RBFOX1: variants seen among roughly 807,000 people sequenced by gnomAD.
The protein encoded by RBFOX1 is RNA binding fox-1 homolog 1.
In RBFOX1, 8 loss-of-function variants were observed where a neutral mutation model predicts 57.7. The observed-to-expected ratio is 0.14, with a 90% confidence interval of 0.08 to 0.25. The LOEUF is 0.25. RBFOX1 is among the 10% of genes least tolerant of loss of function. RBFOX1 has a pLI of 1.00. For synonymous variants in RBFOX1, 326 were observed against 222.4 expected, an observed-to-expected ratio of 1.47 and a Z score of -4.15; for missense variants, 611 against 548.5, an observed-to-expected ratio of 1.11 and a Z score of -1.14.
At chr16:5,427,217 G>A (rs1194062636) in intron 1 of RBFOX1, among the ~76,000 whole-genome samples, 1 of 152,214 alleles carries the variant, frequency 6.6e-6, no homozygotes, top group East Asian at 1.9e-4. Flanking sequence ...ACCATCAGAT[G>A]TGTACCTGTG....
chr16:6,690,910 A>G (rs539372461), intron 3 of RBFOX1, among the ~76,000 whole-genome samples: 198 of 151,912 alleles, frequency 1.3e-3, no homozygotes, highest in Non-Finnish European at 2.2e-3. Flanking sequence ...TTGGGTTTTC[A>G]TTTTCACCTC....
intron 2 of RBFOX1, among the ~76,000 whole-genome samples, chr16:6,642,313 C>G (rs1343004636): frequency 6.6e-6 from 1 of 152,174 alleles, no homozygotes; most frequent in Admixed American, 6.5e-5. Flanking sequence ...CGATTTACAT[C>G]TAATGTGGGT....
intron 3 of RBFOX1, among the ~76,000 whole-genome samples, chr16:6,983,895 A>G (rs1320452821): frequency 6.6e-6 from 1 of 151,882 alleles, no homozygotes; most frequent in Non-Finnish European, 1.5e-5. Context: ...GTGTTGTGTG[A>G]CTCTTAGCAT....
intron 3 of RBFOX1, among the ~76,000 whole-genome samples, chr16:6,944,937 G>T (rs1475116739): frequency 6.6e-6 from 1 of 152,170 alleles, no homozygotes; most frequent in Non-Finnish European, 1.5e-5. Flanking sequence ...GATGAAGACA[G>T]TCTGAAAAGT....
intron 3 of RBFOX1, among the ~76,000 whole-genome samples, chr16:5,626,910 T>G (rs577370230): frequency 1.2e-3 from 185 of 152,340 alleles, no homozygotes; most frequent in African/African-American, 4.3e-3. Flanking sequence ...GTTCTCCCCT[T>G]AACAACTGAA....
intron 3 of RBFOX1, among the ~76,000 whole-genome samples, chr16:5,834,811 TAGATAGATAGAC>T (rs1359503034): frequency 3.4e-4 from 50 of 146,470 alleles, no homozygotes; most frequent in African/African-American, 1.0e-3. Flanking sequence ...GATAGATAGA[TAGATAGATAGAC>T]AGACAGACAG....
chr16:6,894,171 G>A (rs1452786776), intron 3 of RBFOX1, among the ~76,000 whole-genome samples: 1 of 152,154 alleles, frequency 6.6e-6, no homozygotes, highest in Non-Finnish European at 1.5e-5. Flanking sequence ...TCTCTTGTCT[G>A]TCTGTCTGTC....
rs74012590 is a variant in RBFOX1 at position 7,460,007 on chromosome 16, C to T, written c.28-58140C>T. Among the ~76,000 whole-genome samples, 421 of 152,114 alleles carry T rather than the reference C, an allele frequency of 2.8e-3. 1 individual carries two copies. Among genetic ancestry groups the T allele is most frequent in the African/African-American group, 9.5e-3 (394 of 41,502 alleles). On this transcript the variant is annotated intron_variant, in intron 4 of 15. Coordinates refer to ENST00000550418, the MANE Select transcript of RBFOX1 (RefSeq NM_018723.4). ...ATAAAATTAGTTTAAACAAGAGAAACAGGTATGATTTCACAAGAATGTTAG... is the reference window on the plus strand; with the variant it reads ...ATAAAATTAGTTTAAACAAGAGAAATAGGTATGATTTCACAAGAATGTTAG...
intron 2 of RBFOX1, among the ~76,000 whole-genome samples, chr16:6,525,057 C>G (rs867749168): frequency 6.6e-6 from 1 of 152,162 alleles, no homozygotes; most frequent in African/African-American, 2.4e-5. Flanking sequence ...GGCTGGGTTA[C>G]TGTTTGTACA....
chr16:6,801,894 C>T (rs773184548), intron 3 of RBFOX1, among the ~76,000 whole-genome samples: 2 of 152,138 alleles, frequency 1.3e-5, no homozygotes, highest in Non-Finnish European at 1.5e-5. Context: ...GTCATCTGTA[C>T]CTAAGATCTG....
intron 2 of RBFOX1, among the ~76,000 whole-genome samples, chr16:6,322,284 T>C (rs2081899149): frequency 6.6e-6 from 1 of 152,212 alleles, no homozygotes; most frequent in Admixed American, 6.5e-5. Flanking sequence ...GAATATCGTC[T>C]AGTTGGTTGT....
At chr16:5,855,829 A>G (rs1208036048) in intron 3 of RBFOX1, among the ~76,000 whole-genome samples, 3 of 151,924 alleles carry the variant, frequency 2.0e-5, no homozygotes, top group East Asian at 1.9e-4. Flanking sequence ...TATTTTAACA[A>G]TATTTATTAA....
chr16:5,463,301 G>C (rs2151600353), intron 1 of RBFOX1, among the ~76,000 whole-genome samples: 1 of 152,126 alleles, frequency 6.6e-6, no homozygotes, highest in Non-Finnish European at 1.5e-5. Context: ...ATGGATTTTT[G>C]CAGGGCAGCT....
At chr16:7,318,641 G>C (rs184501959) in intron 4 of RBFOX1, among the ~76,000 whole-genome samples, 1 of 152,164 alleles carries the variant, frequency 6.6e-6, no homozygotes, top group South Asian at 2.1e-4. Context: ...CATAGAGAAC[G>C]TTTGTTAAAT....
chr16:7,209,567 G>C (rs1179144004), intron 4 of RBFOX1, among the ~76,000 whole-genome samples: 1 of 152,122 alleles, frequency 6.6e-6, no homozygotes, highest in African/African-American at 2.4e-5. Flanking sequence ...CCTCCTCAAA[G>C]AGGCCAACCC....
chr16:7,336,417 C>T (rs2096788910), intron 4 of RBFOX1, among the ~76,000 whole-genome samples: 1 of 152,186 alleles, frequency 6.6e-6, no homozygotes, highest in African/African-American at 2.4e-5. Flanking sequence ...TCATCCAGGT[C>T]TGACAGATGA....
chr16:7,049,420 G>A (rs1030492764), intron 3 of RBFOX1, among the ~76,000 whole-genome samples: 1 of 152,008 alleles, frequency 6.6e-6, no homozygotes, highest in African/African-American at 2.4e-5. Context: ...CCTGGAGACT[G>A]CAGCATAAGA....
chr16:6,944,250 C>A (rs750275472), intron 3 of RBFOX1, among the ~76,000 whole-genome samples: 1 of 151,888 alleles, frequency 6.6e-6, no homozygotes, highest in South Asian at 2.1e-4. Context: ...CAAAAATAAG[C>A]CAGGCATGGT....
chr16:6,339,533 G>A (rs1229572354), intron 2 of RBFOX1, among the ~76,000 whole-genome samples: 1 of 152,134 alleles, frequency 6.6e-6, no homozygotes, highest in East Asian at 1.9e-4. Flanking sequence ...TGGACAGGGA[G>A]GTAAACAGTA....
Sources: allele counts gnomAD v4.1 joint callset (sites outside exome capture counted in the v4.1 genomes callset), GRCh38; gene constraint gnomAD v4.1.1; transcripts MANE v1.5; gene names NCBI Gene and HGNC (gene_info 2026-07-23, HGNC 2026-07-21).